SCARB2: variants seen among roughly 807,000 people sequenced by gnomAD.
SCARB2 encodes scavenger receptor class B member 2.
A neutral mutation model predicts 58.6 loss-of-function variants in SCARB2; 29 were observed. That is an observed-to-expected ratio of 0.49 (90% CI 0.37 to 0.67). SCARB2 has a LOEUF of 0.67. Ranked by LOEUF, SCARB2 falls within the 30% of genes least tolerant of loss-of-function variation. SCARB2 has a pLI of 0.00. For synonymous variants in SCARB2, 195 were observed against 210.1 expected, an observed-to-expected ratio of 0.93 and a Z score of 0.62; for missense variants, 488 against 578.5, an observed-to-expected ratio of 0.84 and a Z score of 1.60.
chr4:76,217,664 A>G, upstream of SCARB2: 1 of 648,774 alleles, frequency 1.5e-6, no homozygotes, highest in Non-Finnish European at 2.8e-6. Context: ...AGCCAAATAA[A>G]CCTCTTTTCA....
intron 2 of SCARB2, among the ~76,000 whole-genome samples, chr4:76,184,209 T>C (rs955525336): frequency 6.6e-6 from 1 of 152,144 alleles, no homozygotes; most frequent in Admixed American, 6.5e-5. Flanking sequence ...TGATCCCAAG[T>C]CTTTCTCATT....
intron 1 of SCARB2, among the ~76,000 whole-genome samples, chr4:76,232,108 C>T (rs1733503064): frequency 6.6e-6 from 1 of 152,156 alleles, no homozygotes; most frequent in South Asian, 2.1e-4. Context: ...AAACATGCTT[C>T]AAATTTTGGT....
chr4:76,177,721 C>T (rs1233436433), intron 4 of SCARB2, among the ~76,000 whole-genome samples: 4 of 152,150 alleles, frequency 2.6e-5, no homozygotes, highest in African/African-American at 9.7e-5. Context: ...CTGATACATG[C>T]TACAACATGG....
At position 76,200,051 on chromosome 4, in the gene SCARB2, C is replaced by T. The variant is rs771773172; in HGVS notation, c.118-4187G>A. 3.9e-5 allele frequency among the ~76,000 whole-genome samples: 6 copies of T among 152,208 alleles called. No individual in the cohort carries two copies. In the East Asian group the frequency reaches 5.8e-4, roughly 15 times the overall value. On this transcript the variant is annotated intron_variant, in intron 1 of 11. Coordinates refer to ENST00000264896, the MANE Select transcript of SCARB2 (RefSeq NM_005506.4). Reference sequence around the variant, plus strand: ...AATAATAACCTCAGCCTCAAGACCGCGGACTGTCTGGCACAGGAAGTTATT... The same window carrying T: ...AATAATAACCTCAGCCTCAAGACCGTGGACTGTCTGGCACAGGAAGTTATT...
At chr4:76,162,799 TTA>T in intron 11 of SCARB2, 1 of 292,548 alleles carries the variant, frequency 3.4e-6, no homozygotes, top group Non-Finnish European at 6.5e-6. Context: ...GAGGCTTTTA[TTA>T]TCCCATTTTA....
At chr4:76,166,699 T>C (rs1732016209) in intron 9 of SCARB2, 1 of 287,474 alleles carries the variant, frequency 3.5e-6, no homozygotes, top group South Asian at 3.9e-5. Context: ...CTGGGTGTTT[T>C]TGGGATATTA....
At chr4:76,189,546 G>A (rs1732558931) in intron 2 of SCARB2, among the ~76,000 whole-genome samples, 1 of 152,102 alleles carries the variant, frequency 6.6e-6, no homozygotes, top group Non-Finnish European at 1.5e-5. Flanking sequence ...TCGGTGGCGT[G>A]ATCTCAGCTC....
chr4:76,225,830 A>ATAT (rs1733387778), intron 1 of SCARB2, among the ~76,000 whole-genome samples: 1 of 152,020 alleles, frequency 6.6e-6, no homozygotes, highest in Admixed American at 6.6e-5. Context: ...TTCATCAGGG[A>ATAT]TATTAGTCTG....
At chr4:76,229,901 T>C (rs1231132485) in intron 1 of SCARB2, among the ~76,000 whole-genome samples, 1 of 152,192 alleles carries the variant, frequency 6.6e-6, no homozygotes, top group Non-Finnish European at 1.5e-5. Flanking sequence ...AGGTGTTGTT[T>C]TCTCCTCCCT....
At chr4:76,222,227 C>CT (rs1163710967) in intron 1 of SCARB2, among the ~76,000 whole-genome samples, 317 of 143,872 alleles carry the variant, frequency 2.2e-3, no homozygotes, top group Admixed American at 2.7e-3. Flanking sequence ...TTCCTATCTT[C>CT]TTTTTTTTTT....
chr4:76,189,799 A>G (rs1174725494), intron 2 of SCARB2, among the ~76,000 whole-genome samples: 1 of 152,138 alleles, frequency 6.6e-6, no homozygotes, highest in Non-Finnish European at 1.5e-5. Context: ...AGTCCCTTAT[A>G]AAACCATCAG....
At chr4:76,161,821 G>C in intron 11 of SCARB2, 70 bp from the exon 12 acceptor site, 1 of 1,519,840 alleles carries the variant, frequency 6.6e-7, no homozygotes, top group African/African-American at 1.4e-5. Context: ...TGAAAAGTTT[G>C]GGTGGGGAGT....
At chr4:76,233,542 C>A (rs1733528353) in intron 1 of SCARB2, among the ~76,000 whole-genome samples, 1 of 151,612 alleles carries the variant, frequency 6.6e-6, no homozygotes, top group Non-Finnish European at 1.5e-5. Flanking sequence ...TTTCTTTAGG[C>A]CAAATTAATT....
At position 76,221,044 on chromosome 4, in the gene SCARB2, C is replaced by T. The variant is rs575973010; in HGVS notation, c.-358+13259G>A. 3.3e-5 allele frequency among the ~76,000 whole-genome samples: 5 copies of T among 152,312 alleles called. No individual in the cohort carries two copies. The East Asian group carries it at 9.6e-4, about 29-fold the overall frequency. On this transcript the variant is annotated intron_variant, in intron 1 of 11. Transcript: ENST00000638295. ...GTCCCTCACTGATTCCTAATCAACT[C>T]CTGTAAAGAGTCAGCTCCCTAAGTC...
At chr4:76,233,671 TG>T (rs1237360476) in intron 1 of SCARB2, among the ~76,000 whole-genome samples, 1 of 151,268 alleles carries the variant, frequency 6.6e-6, no homozygotes, top group Non-Finnish European at 1.5e-5. Context: ...AGTCCCCGGG[TG>T]GGGTTCTTTA....
chr4:76,196,421 A>C (rs999361), intron 1 of SCARB2, among the ~76,000 whole-genome samples: 43,807 of 152,104 alleles, frequency 0.29, 7,253 homozygotes, highest in East Asian at 0.57. Context: ...ACTTGGGCAG[A>C]AGCATGAAGC....
intron 1 of SCARB2, among the ~76,000 whole-genome samples, chr4:76,222,567 C>T (rs748560302): frequency 6.6e-6 from 1 of 152,162 alleles, no homozygotes; most frequent in Non-Finnish European, 1.5e-5. Flanking sequence ...TCTCCGCTGC[C>T]TCCACCAGCC....
chr4:76,213,303 CAAG>C (rs1733101447), intron 1 of SCARB2, 121 bp downstream of exon 1: 1 of 745,140 alleles, frequency 1.3e-6, no homozygotes, highest in Non-Finnish European at 2.4e-6. Flanking sequence ...GACAGGGACG[CAAG>C]AAGAGCTCTA....
chr4:76,205,194 T>G (rs963704415), intron 1 of SCARB2, among the ~76,000 whole-genome samples: 1 of 152,070 alleles, frequency 6.6e-6, no homozygotes, highest in African/African-American at 2.4e-5. Flanking sequence ...CCTGGCATGG[T>G]GCACACCTGT....
Sources: allele counts gnomAD v4.1 joint callset (sites outside exome capture counted in the v4.1 genomes callset), GRCh38; gene constraint gnomAD v4.1.1; transcripts MANE v1.5; gene names NCBI Gene and HGNC (gene_info 2026-07-23, HGNC 2026-07-21).